The following GRIK1 variants were observed in gnomAD, a reference collection of about 807,000 sequenced individuals.
The protein encoded by GRIK1 is glutamate ionotropic receptor kainate type subunit 1.
GRIK1 carries 69 observed loss-of-function variants against 105.7 expected under a neutral mutation model. The ratio of observed to expected loss-of-function variants is 0.65; its 90% confidence interval spans 0.54 to 0.80. The LOEUF is 0.80. GRIK1 is among the 30% of genes least tolerant of loss of function. The pLI, the probability that GRIK1 is intolerant of heterozygous loss-of-function variation, is 0.00. For synonymous variants in GRIK1, 438 were observed against 431.3 expected (o/e 1.02, Z -0.19); for missense variants, 1,109 against 1,167.3 (o/e 0.95, Z 0.73).
chr21:29,650,184 T>C (rs1412789770), intron 6 of GRIK1, among the ~76,000 whole-genome samples: 1 of 152,200 alleles, frequency 6.6e-6, no homozygotes, highest in Non-Finnish European at 1.5e-5. Context: ...AACCACTTAA[T>C]TCATTCATTT....
At chr21:29,774,111 A>T (rs1428749791) in intron 1 of GRIK1, among the ~76,000 whole-genome samples, 1 of 151,958 alleles carries the variant, frequency 6.6e-6, no homozygotes, top group Non-Finnish European at 1.5e-5. Flanking sequence ...TCCCTACTGT[A>T]CCCTTCAATT....
At chr21:29,560,367 TCCTTC>T (rs1568813660) in intron 15 of GRIK1, among the ~76,000 whole-genome samples, 348 of 27,616 alleles carry the variant, frequency 0.013, 3 homozygotes, top group East Asian at 0.018. Flanking sequence ...TTTTCTTTCT[TCCTTC>T]CTTCCTTCCT....
intron 1 of GRIK1, among the ~76,000 whole-genome samples, chr21:29,743,731 T>C (rs999935915): frequency 1.3e-5 from 2 of 152,086 alleles, no homozygotes; most frequent in East Asian, 3.8e-4. Context: ...TAATATTTTG[T>C]TTTATTTTGA....
At chr21:29,539,251 A>G (rs1213387898) in intron 16 of GRIK1, among the ~76,000 whole-genome samples, 2 of 152,198 alleles carry the variant, frequency 1.3e-5, no homozygotes, top group Admixed American at 6.5e-5. Flanking sequence ...AATACACACA[A>G]TGTATGCTGA....
chr21:29,779,575 A>C (rs147831156), intron 1 of GRIK1, among the ~76,000 whole-genome samples: 1 of 152,140 alleles, frequency 6.6e-6, no homozygotes, highest in Non-Finnish European at 1.5e-5. Context: ...CCACCCACAA[A>C]AAGTGGACTT....
chr21:29,654,878 TA>T lies in GRIK1; in HGVS notation c.727-16del. The T allele has an allele frequency of 1.3e-6, 2 of 1,502,262 alleles. No individual in the cohort carries two copies. Among genetic ancestry groups the T allele is most frequent in the Non-Finnish European group, 1.9e-6 (2 of 1,078,298 alleles). The allele number at this position is 1,502,262 out of a possible 1,614,324, so 93.1% of individuals were successfully genotyped here. On this transcript the variant is annotated splice_polypyrimidine_tract_variant and intron_variant, in intron 4 of 17. Transcript: ENST00000327783. ...ATGAACAGAATCTGCAAAAGAGAAATAAGGGGAAAGAATCAGGAACAGAATT... is the reference window on the plus strand; with the variant it reads ...ATGAACAGAATCTGCAAAAGAGAAATAGGGGAAAGAATCAGGAACAGAATT...
chr21:29,842,995 C>A (rs561080179), intron 1 of GRIK1, among the ~76,000 whole-genome samples: 2 of 152,284 alleles, frequency 1.3e-5, no homozygotes, highest in South Asian at 2.1e-4. Context: ...TCTGACTCTA[C>A]AATCCAATTA....
chr21:29,793,860 G>T (rs971877466), intron 1 of GRIK1, among the ~76,000 whole-genome samples: 1 of 152,208 alleles, frequency 6.6e-6, no homozygotes, highest in African/African-American at 2.4e-5. Flanking sequence ...TGCCAAGTGG[G>T]TGTGTTTTTA....
chr21:29,820,969 A>T (rs530599712), intron 1 of GRIK1, among the ~76,000 whole-genome samples: 21 of 151,892 alleles, frequency 1.4e-4, no homozygotes, highest in Admixed American at 6.6e-5. Context: ...AAATACCAAC[A>T]TATCTACTCA....
At chr21:29,784,182 AGTT>A (rs2066199216) in intron 1 of GRIK1, among the ~76,000 whole-genome samples, 1 of 152,198 alleles carries the variant, frequency 6.6e-6, no homozygotes, top group Non-Finnish European at 1.5e-5. Context: ...AAGCTTTTTC[AGTT>A]GTTCCATATT....
chr21:29,620,841 A>G (rs1265497463), intron 7 of GRIK1, among the ~76,000 whole-genome samples: 1 of 145,172 alleles, frequency 6.9e-6, no homozygotes, highest in Non-Finnish European at 1.5e-5. Context: ...TTATAGTCAT[A>G]AAATATATAT....
chr21:29,702,026 A>G (rs1262686775), intron 1 of GRIK1, among the ~76,000 whole-genome samples: 2 of 152,188 alleles, frequency 1.3e-5, no homozygotes, highest in Non-Finnish European at 2.9e-5. Flanking sequence ...CATCATCCTT[A>G]GCAAACTGAT....
At chr21:29,766,297 C>A (rs934996003) in intron 1 of GRIK1, among the ~76,000 whole-genome samples, 4 of 152,126 alleles carry the variant, frequency 2.6e-5, no homozygotes, top group African/African-American at 9.7e-5. Context: ...CCACCCCTAG[C>A]TACATTTTGG....
At chr21:29,918,364 T>C (rs1482545097) in intron 1 of GRIK1, among the ~76,000 whole-genome samples, 4 of 152,196 alleles carry the variant, frequency 2.6e-5, no homozygotes, top group Admixed American at 1.3e-4. Context: ...CCCAGCGAAG[T>C]AGACATAACC....
intron 1 of GRIK1, among the ~76,000 whole-genome samples, chr21:29,776,143 C>T (rs1333161308): frequency 6.6e-6 from 1 of 152,152 alleles, no homozygotes; most frequent in Non-Finnish European, 1.5e-5. Context: ...GGGGAAATTG[C>T]CTCAATGATT....
intron 1 of GRIK1, among the ~76,000 whole-genome samples, chr21:29,885,562 T>C (rs948093798): frequency 6.6e-6 from 1 of 152,068 alleles, no homozygotes; most frequent in African/African-American, 2.4e-5. Context: ...CTTAGAAAAC[T>C]TGCTTCAAAG....
intron 14 of GRIK1, among the ~76,000 whole-genome samples, chr21:29,571,616 T>C (rs922395257): frequency 2.0e-4 from 31 of 152,206 alleles, no homozygotes; most frequent in African/African-American, 7.2e-4. Context: ...CAAACTTCAC[T>C]AAGCACATCC....
chr21:29,827,767 A>C (rs2067501963), intron 1 of GRIK1, among the ~76,000 whole-genome samples: 2 of 152,084 alleles, frequency 1.3e-5, no homozygotes, highest in African/African-American at 4.8e-5. Context: ...TAAACACCCC[A>C]AAACTTAGCG....
chr21:29,791,201 G>A (rs1434972712), intron 1 of GRIK1, among the ~76,000 whole-genome samples: 1 of 152,150 alleles, frequency 6.6e-6, no homozygotes, highest in Non-Finnish European at 1.5e-5. Context: ...GCAAGATGTG[G>A]TAAGGGACGA....
Sources: allele counts gnomAD v4.1 joint callset (sites outside exome capture counted in the v4.1 genomes callset), GRCh38; gene constraint gnomAD v4.1.1; transcripts MANE v1.5; gene names NCBI Gene and HGNC (gene_info 2026-07-23, HGNC 2026-07-21).